Variants in WNK2 observed in about 807,000 individuals in gnomAD.
The protein encoded by WNK2 is serine/threonine-protein kinase WNK2.
In WNK2, 67 loss-of-function variants were observed where a neutral mutation model predicts 192.1. That is an observed-to-expected ratio of 0.35 (90% CI 0.29 to 0.43). WNK2 has a LOEUF of 0.43. Among genes scored for constraint, WNK2 ranks in the 20% least tolerant of loss-of-function variants. The pLI, the probability that WNK2 is intolerant of heterozygous loss-of-function variation, is 1.00. For synonymous variants in WNK2, 1,439 were observed against 1,393.9 expected (o/e 1.03, Z -0.72); for missense variants, 2,698 against 3,089.7 (o/e 0.87, Z 3.01).
intron 16 of WNK2, among the ~76,000 whole-genome samples, chr9:93,264,304 C>T (rs1844821605): frequency 6.6e-6 from 1 of 152,194 alleles, no homozygotes; most frequent in Admixed American, 6.5e-5. Flanking sequence ...AGCCCTTCCT[C>T]CAAATAAAAG....
At chr9:93,237,931 A>T (rs1360432896) in intron 5 of WNK2, among the ~76,000 whole-genome samples, 1 of 150,660 alleles carries the variant, frequency 6.6e-6, no homozygotes, top group Non-Finnish European at 1.5e-5. Flanking sequence ...TCCTGAACTC[A>T]GCTCTACCCC....
In WNK2 at chr9:93,259,369, C is replaced by T. The variant is rs767382624; in HGVS notation, c.2821C>T (p.Gln941Ter). ...GCAGAATATGAGGGCCACCCCTCCA[C>T]AGCCGGCACTGCCTCCACAACCCAC... Reference protein sequence around the residue: ...TVQNMRATPPQPALPPQPTLP... With the variant: ...TVQNMRATPP Residue 941 changes from glutamine (Q) to a stop codon, truncating the protein, a stop_gained, in exon 12 of 30, where the codon CAG (glutamine) becomes TAG (stop). Transcript: ENST00000427277. LOFTEE classifies it high-confidence loss of function. The surrounding 1 kb of genome is among the most constrained non-coding windows in gnomAD (Gnocchi z 4.8). 4 of 1,612,056 alleles carry T rather than the reference C, an allele frequency of 2.5e-6. No homozygotes were observed. The highest frequency in any genetic ancestry group is 2.5e-6 in the Non-Finnish European group (3 of 1,179,262).
chr9:93,278,286 A>C (rs564262675), intron 19 of WNK2, among the ~76,000 whole-genome samples: 2 of 152,106 alleles, frequency 1.3e-5, no homozygotes, highest in African/African-American at 2.4e-5. Flanking sequence ...CTGCGGAGAG[A>C]AGAGTCTGAA....
At chr9:93,198,279 T>G (rs1403696776) in intron 2 of WNK2, among the ~76,000 whole-genome samples, 2 of 152,148 alleles carry the variant, frequency 1.3e-5, no homozygotes, top group Non-Finnish European at 2.9e-5. Context: ...TGAGTTAGGT[T>G]GAGTGGTTGA....
chr9:93,211,374 C>T (rs796267572), intron 2 of WNK2, among the ~76,000 whole-genome samples: 8 of 145,736 alleles, frequency 5.5e-5, no homozygotes, highest in Middle Eastern at 3.9e-3. Flanking sequence ...ATCACTCACT[C>T]ACACATTCAC....
intron 2 of WNK2, among the ~76,000 whole-genome samples, chr9:93,206,053 G>T (rs1833319154): frequency 6.6e-6 from 1 of 152,156 alleles, no homozygotes; most frequent in Non-Finnish European, 1.5e-5. Context: ...AATTTTATGG[G>T]ATCCTCCTGC....
intron 27 of WNK2, chr9:93,307,110 G>C: frequency 2.0e-6 from 1 of 501,462 alleles, no homozygotes; most frequent in East Asian, 3.6e-5. Flanking sequence ...TCATTAATTG[G>C]CTCCTTTTCC....
chr9:93,301,174 G>A (rs16936750), intron 26 of WNK2, among the ~76,000 whole-genome samples: 12,364 of 152,276 alleles, frequency 0.081, 727 homozygotes, highest in African/African-American at 0.16. Flanking sequence ...CAGGACGATC[G>A]GCCAGTGAAC....
intron 4 of WNK2, among the ~76,000 whole-genome samples, chr9:93,233,059 G>A (rs1027465669): frequency 4.6e-5 from 7 of 151,550 alleles, no homozygotes; most frequent in South Asian, 2.1e-4. Flanking sequence ...AAATTGGCCC[G>A]GCATGGTGAA....
chr9:93,202,974 C>T (rs1185571675), intron 2 of WNK2, among the ~76,000 whole-genome samples: 2 of 151,248 alleles, frequency 1.3e-5, no homozygotes, highest in East Asian at 2.0e-4. Flanking sequence ...CTGGTTTCCA[C>T]GTGGCAACCA....
chr9:93,197,945 T>C (rs1014264823), intron 2 of WNK2, among the ~76,000 whole-genome samples: 1 of 152,104 alleles, frequency 6.6e-6, no homozygotes, highest in Non-Finnish European at 1.5e-5. Context: ...GTGCTGTTAT[T>C]AAGAAATGAC....
At chr9:93,209,292 G>A (rs544795025) in intron 2 of WNK2, among the ~76,000 whole-genome samples, 16 of 152,246 alleles carry the variant, frequency 1.1e-4, no homozygotes, top group Admixed American at 8.5e-4. Flanking sequence ...GCACACTGGC[G>A]CAAGGCCGGG....
At chr9:93,269,038 C>A in intron 19 of WNK2, 1 of 1,208,232 alleles carries the variant, frequency 8.3e-7, no homozygotes, top group South Asian at 1.3e-5. Context: ...CCTTCCTTCA[C>A]AGTGTTAACC....
At chr9:93,207,004 G>T (rs1315630721) in intron 2 of WNK2, among the ~76,000 whole-genome samples, 1 of 152,114 alleles carries the variant, frequency 6.6e-6, no homozygotes, top group African/African-American at 2.4e-5. Context: ...TCCCAGCTTG[G>T]AGGGGTGCCT....
rs1251743179 is a variant in WNK2, at chr9:93,288,768, A to G, written c.4034-20A>G. ...GACTGGAGTACCCTGGTACAAAGGC[A>G]TTTTCCCCATTTCTTCTAGATTCAG... On this transcript the variant is annotated intron_variant, in intron 19 of 29. Transcript: ENST00000427277. The G allele has an allele frequency of 6.3e-7, 1 of 1,594,636 alleles. No homozygotes were observed. Among genetic ancestry groups the G allele is most frequent in the Non-Finnish European group, 8.5e-7 (1 of 1,171,684 alleles).
At chr9:93,318,296 A>G (rs1477643725) in intron 29 of WNK2, 19 of 1,522,338 alleles carry the variant, frequency 1.2e-5, no homozygotes, top group Middle Eastern at 1.8e-4. Flanking sequence ...TTCTGTTGTA[A>G]ATGCCTTTTA....
chr9:93,288,195 A>G (rs894791292), intron 19 of WNK2, among the ~76,000 whole-genome samples: 1 of 152,118 alleles, frequency 6.6e-6, no homozygotes, highest in African/African-American at 2.4e-5. Context: ...AGGCACTGGG[A>G]GACTTGGTTA....
Position 93,288,983 on chromosome 9 carries a change from C to A in WNK2, c.4229C>A (p.Ala1410Glu). The change falls in exon 20 of 30, where the codon GCG (alanine) becomes GAG (glutamate). Residue 1410 changes from alanine (A) to glutamate (E), a missense_variant. This residue lies in a region of WNK2 where 1,098 missense variants were observed against 1,101.0 expected (regional missense o/e 1.00). Coordinates refer to ENST00000427277, the MANE Select transcript of WNK2 (RefSeq NM_006648.4). ...APATSTMPEP[A>E]SGTASQAGGP... ...GCCACCAGCACCATGCCAGAGCCAG[C>A]GTCAGGAACTGCCAGCCAGGCAGGG... is the stretch of plus-strand genomic sequence containing the variant. The A allele has an allele frequency of 1.9e-6, 3 of 1,601,786 alleles. No individual in the cohort carries two copies. Among genetic ancestry groups the A allele is most frequent in the Non-Finnish European group, 2.6e-6 (3 of 1,174,182 alleles).
Position 93,261,934 on chromosome 9 carries a change from C to G in WNK2, c.3187C>G (p.Pro1063Ala). The G allele has an allele frequency of 6.2e-7, 1 of 1,610,264 alleles. No homozygotes were observed. The highest frequency in any genetic ancestry group is 8.5e-7 in the Non-Finnish European group (1 of 1,179,748). Residue 1063 changes from proline to alanine, a missense_variant, in exon 13 of 30, where the codon CCT becomes GCT. By Grantham distance (27) the Pro-to-Ala change is conservative. Coordinates refer to ENST00000427277, the MANE Select transcript of WNK2 (RefSeq NM_006648.4). ...GCCGGAAGTGCTGCTGCCTGCCGCC[C>G]CTGAGCTCCTGCCTCAGTTCCCCAG... ...PLPEVLLPAA[P>A]ELLPQFPSSL...
Sources: gnomAD v4.1 joint callset for allele counts (sites outside exome capture counted in the v4.1 genomes callset) on GRCh38, gnomAD v4.1.1 for gene constraint, gnomAD v4.1.1 regional missense constraint, Gnocchi (gnomAD v3.1) non-coding constraint, MANE v1.5 for transcripts, NCBI Gene and HGNC (gene_info 2026-07-23, HGNC 2026-07-21) for gene names.